The following MTA3 variants were observed in gnomAD, a reference collection of about 807,000 sequenced individuals.
MTA3 encodes the protein metastasis-associated protein MTA3.
A neutral mutation model predicts 83.5 loss-of-function variants in MTA3; 34 were observed. The observed-to-expected ratio is 0.41, with a 90% CI of 0.31 to 0.54. The LOEUF is 0.54. Among genes scored for constraint, MTA3 ranks in the 20% least tolerant of loss-of-function variants. The pLI is 0.33. For missense variants in MTA3, 761 were observed against 726.4 expected, an observed-to-expected ratio of 1.05 and a Z score of -0.55; for synonymous variants, 303 against 252.7, an observed-to-expected ratio of 1.20 and a Z score of -1.89.
rs778419810 is a variant in MTA3 at position 42,581,360 on chromosome 2, C to CTT, written c.190+2184_190+2185dup. On this transcript the variant is annotated intron_variant, in intron 3 of 16. Coordinates refer to ENST00000405094, the MANE Select transcript of MTA3 (RefSeq NM_001330442.2). ...AGTCACCATGCCTGGTCCCAAATTGCTTTTTTTTTTTTTTTTTTTTTTTTT... is the reference window on the plus strand; with the variant it reads ...AGTCACCATGCCTGGTCCCAAATTGCTTTTTTTTTTTTTTTTTTTTTTTTTTT... Among the ~76,000 whole-genome samples the CTT allele has an allele frequency of 2.3e-3, 200 of 88,256 alleles. 2 individuals carry two copies. The highest frequency in any genetic ancestry group is 4.7e-3 in the African/African-American group (104 of 22,284). The allele number at this position is 88,256 out of a possible 152,430, so 57.9% of individuals were successfully genotyped here.
intron 3 of MTA3, among the ~76,000 whole-genome samples, chr2:42,607,509 G>T (rs1407438148): frequency 6.6e-6 from 1 of 151,852 alleles, no homozygotes; most frequent in Non-Finnish European, 1.5e-5. Flanking sequence ...TCTCTGAGTA[G>T]CTGGGACCAT....
chr2:42,586,065 C>T (rs1425538401), intron 3 of MTA3, among the ~76,000 whole-genome samples: 2 of 151,788 alleles, frequency 1.3e-5, no homozygotes, highest in South Asian at 4.2e-4. Flanking sequence ...GGATGGATCA[C>T]TGGAGGTCAG....
At chr2:42,517,883 AAG>A (rs1675225467) in intron 2 of MTA3, among the ~76,000 whole-genome samples, 2 of 149,816 alleles carry the variant, frequency 1.3e-5, no homozygotes, top group Admixed American at 6.7e-5. Context: ...AAAAAAAAAG[AAG>A]AAAAGAAAAT....
Position 42,573,591 on chromosome 2 carries a change from A to G in MTA3, c.96+3087A>G, listed in dbSNP as rs1462078786. Among the ~76,000 whole-genome samples, 5 of 152,184 alleles carry G rather than the reference A, an allele frequency of 3.3e-5. No individual in the cohort carries two copies. The East Asian group carries it at 7.7e-4, about 24-fold the overall frequency. ...AATGGCATGATCTCCGGTCACTGCA[A>G]CCTCTGTCTCCTGGGTTCAAGCAAT... On this transcript the variant is annotated intron_variant, in intron 2 of 16. Transcript: ENST00000405094.
chr2:42,506,640 T>C (rs1160397925), intron 2 of MTA3, among the ~76,000 whole-genome samples: 2 of 151,592 alleles, frequency 1.3e-5, no homozygotes, highest in African/African-American at 4.8e-5. Flanking sequence ...TATTTATTTA[T>C]TTATTTATTA....
chr2:42,515,841 ATT>A (rs35541351), intron 2 of MTA3, among the ~76,000 whole-genome samples: 7 of 132,592 alleles, frequency 5.3e-5, no homozygotes, highest in Admixed American at 1.5e-4. Context: ...TATTTTATGT[ATT>A]TTTTTTTTTT....
chr2:42,523,840 C>G (rs946965997), intron 2 of MTA3, among the ~76,000 whole-genome samples: 4 of 152,068 alleles, frequency 2.6e-5, no homozygotes, highest in Non-Finnish European at 5.9e-5. Flanking sequence ...ATCACTTGAG[C>G]CGGGAAGTCA....
chr2:42,755,812 G>T lies in MTA3; in HGVS notation c.*2413G>T. ...ATGGGTGGACGTGCAGAGACTGTCT[G>T]CGCAGCCCCCAGCAGACATGCCCCT... On this transcript the variant is annotated 3_prime_UTR_variant, in exon 17 of 17. Coordinates refer to ENST00000405094, the MANE Select transcript of MTA3 (RefSeq NM_001330442.2). 1.0e-6 allele frequency: 1 copy of T among 985,530 alleles called. No homozygotes were observed. Among genetic ancestry groups the T allele is most frequent in the Non-Finnish European group, 1.2e-6 (1 of 829,982 alleles). 61.0% of individuals were successfully genotyped at this position (985,530 alleles called of 1,614,324 possible). A position where few individuals can be genotyped will look rare whatever the true frequency, so the allele number is the denominator to read the frequency against.
At chr2:42,656,657 T>C (rs1689196865) in intron 7 of MTA3, among the ~76,000 whole-genome samples, 1 of 152,354 alleles carries the variant, frequency 6.6e-6, no homozygotes, top group Non-Finnish European at 1.5e-5. Flanking sequence ...AATAAGAATG[T>C]GCACCTGGAA....
chr2:42,606,375 T>A (rs1391332560), intron 3 of MTA3, among the ~76,000 whole-genome samples: 3 of 135,304 alleles, frequency 2.2e-5, no homozygotes, highest in Non-Finnish European at 3.2e-5. Flanking sequence ...GGCTCCTCAC[T>A]TCTCAGACGG....
chr2:42,593,355 C>A (rs4245813), intron 3 of MTA3, among the ~76,000 whole-genome samples: 111,881 of 149,580 alleles, frequency 0.75, 42,114 homozygotes, highest in South Asian at 0.88. Context: ...TGTGTCAAAA[C>A]AAAAAAAAGT....
intron 2 of MTA3, among the ~76,000 whole-genome samples, chr2:42,536,286 C>T (rs561557583): frequency 1.1e-4 from 16 of 151,470 alleles, no homozygotes; most frequent in African/African-American, 3.9e-4. Context: ...CCAGCCTGGC[C>T]AATATGAAGA....
At chr2:42,745,845 C>T (rs1029745558) in intron 16 of MTA3, among the ~76,000 whole-genome samples, 6 of 46,118 alleles carry the variant, frequency 1.3e-4, no homozygotes, top group East Asian at 1.2e-3. Flanking sequence ...GACAGAGTCT[C>T]GCTCTGTCAC....
intron 16 of MTA3, among the ~76,000 whole-genome samples, chr2:42,734,716 G>T (rs1313918535): frequency 1.3e-5 from 2 of 151,344 alleles, no homozygotes; most frequent in African/African-American, 4.9e-5. Context: ...TGTATCTGTT[G>T]TATGTTTTTT....
At chr2:42,563,072 C>T (rs2103804174) in intron 2 of MTA3, among the ~76,000 whole-genome samples, 1 of 152,222 alleles carries the variant, frequency 6.6e-6, no homozygotes, top group Non-Finnish European at 1.5e-5. Context: ...TAACCCACTG[C>T]CTCTACCCTA....
intron 2 of MTA3, among the ~76,000 whole-genome samples, chr2:42,539,668 A>G (rs1472138172): frequency 6.7e-6 from 1 of 149,038 alleles, no homozygotes; most frequent in East Asian, 2.0e-4. Context: ...TGCAGCCTCA[A>G]CTGCCTGGAC....
At chr2:42,575,133 C>T (rs905239510) in intron 2 of MTA3, among the ~76,000 whole-genome samples, 7 of 152,216 alleles carry the variant, frequency 4.6e-5, no homozygotes, top group Non-Finnish European at 1.0e-4. Flanking sequence ...GGGAGCTCTG[C>T]CTTGCTTACT....
At chr2:42,619,428 G>A (rs926623858) in intron 4 of MTA3, among the ~76,000 whole-genome samples, 1 of 152,154 alleles carries the variant, frequency 6.6e-6, no homozygotes, top group African/African-American at 2.4e-5. Flanking sequence ...GGTCAGTTAG[G>A]AAACTCAATT....
In MTA3 at chr2:42,697,843, T is replaced by C. The variant is rs1218496262; in HGVS notation, c.1025+9T>C. On this transcript the variant is annotated intron_variant, in intron 11 of 16. Transcript: ENST00000405094. ...GTATATATCCCAACCTAGTAAGTAATTGAAATCTTTTAAAATATTTGTTTT... is the reference window on the plus strand; with the variant it reads ...GTATATATCCCAACCTAGTAAGTAACTGAAATCTTTTAAAATATTTGTTTT... The C allele has an allele frequency of 6.7e-7, 1 of 1,498,010 alleles. No individual in the cohort carries two copies. 92.8% of individuals were successfully genotyped at this position (1,498,010 alleles called of 1,614,324 possible).
Sources: gnomAD v4.1 joint callset for allele counts (sites outside exome capture counted in the v4.1 genomes callset) on GRCh38, gnomAD v4.1.1 for gene constraint, MANE v1.5 for transcripts, NCBI Gene and HGNC (gene_info 2026-07-23, HGNC 2026-07-21) for gene names.